Variants in MIS18A observed in about 807,000 individuals in gnomAD.
MIS18A encodes the protein MIS18 kinetochore protein A.
Under a neutral mutation model 25.0 loss-of-function variants are expected in MIS18A, and 14 were observed. The ratio of observed to expected loss-of-function variants is 0.56; its 90% confidence interval spans 0.37 to 0.88. MIS18A has a LOEUF of 0.88. Ranked by LOEUF, MIS18A falls within the 40% of genes least tolerant of loss-of-function variation. MIS18A has a pLI of 0.00. For missense variants in MIS18A, 292 were observed against 290.8 expected (o/e 1.00, Z -0.03); for synonymous variants, 134 against 118.6 (o/e 1.13, Z -0.84).
chr21:32,252,424 A>T, the MIS18A span, among the ~76,000 whole-genome samples: 5 of 151,642 alleles, frequency 3.3e-5, no homozygotes, highest in East Asian at 9.7e-4. Flanking sequence ...AAGAAGGAAG[A>T]GGAGGAGGAG....
At chr21:32,156,886 T>C in the MIS18A span, among the ~76,000 whole-genome samples, 1 of 152,048 alleles carries the variant, frequency 6.6e-6, no homozygotes, top group Non-Finnish European at 1.5e-5. Flanking sequence ...ATATCCCAGT[T>C]ATAAAGCTAG....
chr21:32,278,399 TCTTTGTCGCC>T, intron 1 of MIS18A: 1 of 470,388 alleles, frequency 2.1e-6, no homozygotes, highest in Non-Finnish European at 3.7e-6. Flanking sequence ...AAAGTGTTAT[TCTTTGTCGCC>T]CTTTGTTTCT....
the MIS18A span, among the ~76,000 whole-genome samples, chr21:32,209,148 A>G: frequency 7.3e-6 from 1 of 136,190 alleles, no homozygotes; most frequent in Non-Finnish European, 1.6e-5. Flanking sequence ...AGATAATAAT[A>G]AATTCTGAAA....
At chr21:32,156,881 C>T in the MIS18A span, among the ~76,000 whole-genome samples, 4 of 151,892 alleles carry the variant, frequency 2.6e-5, no homozygotes, top group Non-Finnish European at 5.9e-5. Context: ...GGAGGATATC[C>T]CAGTTATAAA....
chr21:32,278,797 G>A lies in MIS18A; in HGVS notation c.218C>T (p.Ala73Val), dbSNP rs376090555. Reference protein sequence around the residue: ...DMERAQLEEEAAAAEERPLVF... With the variant: ...DMERAQLEEEVAAAEERPLVF... ...CAGCGGCCTCTCCTCCGCAGCCGCC[G>A]CCTCCTCCTCCAGCTGCGCCCTCTC... The change falls in exon 1 of 5, where the codon GCG (alanine) becomes GTG (valine). Residue 73 changes from alanine to valine, a missense_variant. By Grantham distance (64) the Ala-to-Val change is moderately conservative. Transcript: ENST00000290130. 3 of 1,587,326 alleles carry A rather than the reference G, an allele frequency of 1.9e-6. No individual in the cohort carries two copies. The highest frequency in any genetic ancestry group is 2.7e-5 in the African/African-American group (2 of 74,636).
At chr21:32,253,743 T>C in the MIS18A span, among the ~76,000 whole-genome samples, 1 of 152,170 alleles carries the variant, frequency 6.6e-6, no homozygotes. Flanking sequence ...CAGGCTGCTA[T>C]CTGATTAGCC....
the MIS18A span, among the ~76,000 whole-genome samples, chr21:32,252,227 AAGAAGAAGAAGAAGGAGGAGG>A: frequency 0.13 from 13,419 of 106,042 alleles, 689 homozygotes; most frequent in South Asian, 0.22. Flanking sequence ...GAAGAAGAAG[AAGAAGAAGAAGAAGGAGGAGG>A]AGGAGGAGGA....
At chr21:32,188,294 C>T in the MIS18A span, among the ~76,000 whole-genome samples, 1 of 152,256 alleles carries the variant, frequency 6.6e-6, no homozygotes, top group African/African-American at 2.4e-5. Flanking sequence ...AAGGACTTTA[C>T]TACTCACAGC....
chr21:32,216,837 C>T, the MIS18A span, among the ~76,000 whole-genome samples: 1 of 152,122 alleles, frequency 6.6e-6, no homozygotes, highest in African/African-American at 2.4e-5. Context: ...TTATTGGTTC[C>T]ACGTACTTAA....
intron 2 of MIS18A, among the ~76,000 whole-genome samples, chr21:32,272,559 T>C (rs571693104): frequency 1.3e-5 from 2 of 152,348 alleles, no homozygotes; most frequent in East Asian, 3.9e-4. Context: ...ACTTGTCTCA[T>C]AGTCGCAAAT....
the MIS18A span, among the ~76,000 whole-genome samples, chr21:32,244,606 G>A: frequency 6.6e-6 from 1 of 151,970 alleles, no homozygotes; most frequent in Non-Finnish European, 1.5e-5. Flanking sequence ...GTGTGGGGGT[G>A]CATGCCTGTA....
At chr21:32,267,447 C>G (rs1260625818), downstream of MIS18A, among the ~76,000 whole-genome samples, 1 of 152,228 alleles carries the variant, frequency 6.6e-6, no homozygotes, top group East Asian at 1.9e-4. Flanking sequence ...ATCTTCTGAT[C>G]TGTAACAGAA....
At chr21:32,245,076 G>A in the MIS18A span, among the ~76,000 whole-genome samples, 2 of 152,152 alleles carry the variant, frequency 1.3e-5, no homozygotes, top group Non-Finnish European at 2.9e-5. Flanking sequence ...AATGCACATC[G>A]TTCTCAACAA....
the MIS18A span, among the ~76,000 whole-genome samples, chr21:32,205,038 C>A: frequency 6.6e-6 from 1 of 150,968 alleles, no homozygotes; most frequent in African/African-American, 2.4e-5. Flanking sequence ...AAAGTCCTGG[C>A]AAGATTGCCT....
downstream of MIS18A, among the ~76,000 whole-genome samples, chr21:32,263,674 C>G (rs911297974): frequency 6.6e-6 from 1 of 151,924 alleles, no homozygotes; most frequent in Non-Finnish European, 1.5e-5. Context: ...ACGTACTAAA[C>G]GAAAAGATGT....
At chr21:32,251,348 TCTTTC>T in the MIS18A span, among the ~76,000 whole-genome samples, 2 of 152,084 alleles carry the variant, frequency 1.3e-5, no homozygotes, top group Admixed American at 6.5e-5. Flanking sequence ...TCTCTCTCTC[TCTTTC>T]CTTTTCTCTC....
intron 2 of MIS18A, 49 bp from the exon 3 acceptor site, chr21:32,270,578 A>T: frequency 6.8e-7 from 1 of 1,474,094 alleles, no homozygotes; most frequent in Admixed American, 2.5e-5. Context: ...GCAACTCATT[A>T]TAATAAAAAT....
intron 2 of MIS18A, among the ~76,000 whole-genome samples, chr21:32,273,824 A>G (rs1386590887): frequency 1.3e-5 from 2 of 152,202 alleles, no homozygotes; most frequent in Non-Finnish European, 2.9e-5. Flanking sequence ...ACACATAATT[A>G]ATTTTTGTTT....
downstream of MIS18A, among the ~76,000 whole-genome samples, chr21:32,265,433 C>G (rs1036937803): frequency 2.0e-5 from 3 of 152,212 alleles, no homozygotes; most frequent in Admixed American, 6.5e-5. Context: ...GAGCAGCCAG[C>G]CAGCCCTGCT....
Sources: allele counts gnomAD v4.1 joint callset (sites outside exome capture counted in the v4.1 genomes callset), GRCh38; gene constraint gnomAD v4.1.1; transcripts MANE v1.5; gene names NCBI Gene and HGNC (gene_info 2026-07-23, HGNC 2026-07-21).